FAM135B: variants seen among roughly 807,000 people sequenced by gnomAD.
FAM135B encodes family with sequence similarity 135 member B.
FAM135B carries 43 observed loss-of-function variants against 127.7 expected under a neutral mutation model. That is an observed-to-expected ratio of 0.34 (90% CI 0.26 to 0.43). FAM135B has a LOEUF of 0.43. FAM135B is among the 20% of genes least tolerant of loss of function. The pLI is 1.00. For missense variants in FAM135B, 1,558 were observed against 1,725.6 expected (o/e 0.90, Z 1.72); for synonymous variants, 670 against 665.1 (o/e 1.01, Z -0.11).
chr8:138,166,442 C>T (rs1237233390), intron 12 of FAM135B, among the ~76,000 whole-genome samples: 1 of 152,224 alleles, frequency 6.6e-6, no homozygotes, highest in Non-Finnish European at 1.5e-5. Context: ...TACACACAAA[C>T]ATGTGATCTT....
At chr8:138,470,093 GA>G (rs1837597617) in intron 1 of FAM135B, among the ~76,000 whole-genome samples, 1 of 152,170 alleles carries the variant, frequency 6.6e-6, no homozygotes, top group Non-Finnish European at 1.5e-5. Flanking sequence ...AAGACTTAAG[GA>G]AAACTGCTTT....
chr8:138,146,082 C>G lies in FAM135B; in HGVS notation c.3449-32G>C, dbSNP rs373039412. 47 of 1,091,222 alleles carry G rather than the reference C, an allele frequency of 4.3e-5. No homozygotes were observed. The African/African-American group carries it at 7.1e-4, about 16-fold the overall frequency. The allele number at this position is 1,091,222 out of a possible 1,614,324, so 67.6% of individuals were successfully genotyped here. A position where few individuals can be genotyped will look rare whatever the true frequency, so the allele number is the denominator to read the frequency against. On this transcript the variant is annotated intron_variant, in intron 14 of 19. Coordinates refer to ENST00000395297, the MANE Select transcript of FAM135B (RefSeq NM_015912.4). ...ATGACAGATAACCCCCATCCCAGTCCCGTAGTTAGTCATATAAAAGGTTGA... is the reference window on the plus strand; with the variant it reads ...ATGACAGATAACCCCCATCCCAGTCGCGTAGTTAGTCATATAAAAGGTTGA...
chr8:138,266,182 C>G (rs921491425), intron 3 of FAM135B, among the ~76,000 whole-genome samples: 13 of 152,256 alleles, frequency 8.5e-5, no homozygotes, highest in Admixed American at 3.3e-4. Flanking sequence ...CATAAACCTC[C>G]TCTCCCAGAA....
Position 138,333,399 on chromosome 8 carries a change from CA to C in FAM135B, c.78-22480del, listed in dbSNP as rs1481848113. Among the ~76,000 whole-genome samples the C allele has an allele frequency of 2.0e-5, 3 of 152,280 alleles. No homozygotes were observed. The East Asian group carries it at 5.8e-4, about 30-fold the overall frequency. The stretch of plus-strand genomic sequence containing the variant: ...CCAGGTATGCTGTGTTGCTGGTGTG[CA>C]AATGCATCATGCCCTTCCACATTTC... On this transcript the variant is annotated intron_variant, in intron 2 of 19. Coordinates refer to ENST00000395297, the MANE Select transcript of FAM135B (RefSeq NM_015912.4).
In FAM135B at chr8:138,141,127, C is replaced by G. The variant is rs1199037197; in HGVS notation, c.3790+71G>C. The G allele has an allele frequency of 3.4e-6, 5 of 1,465,070 alleles. No individual in the cohort carries two copies. Among genetic ancestry groups the G allele is most frequent in the Admixed American group, 1.8e-5 (1 of 56,276 alleles). 90.8% of individuals were successfully genotyped at this position (1,465,070 alleles called of 1,614,324 possible). ...GTCACAGGGTTCCAAGTGGAAGTAC[C>G]TGTGCCCGGTTTCACGCCCCAGAGG... On this transcript the variant is annotated intron_variant, in intron 17 of 19. Transcript: ENST00000395297. This position sits in a 1 kb window ranked among gnomAD's most constrained non-coding sequence, Gnocchi z 4.7.
chr8:138,226,183 G>GTA (rs1440197116), intron 7 of FAM135B, among the ~76,000 whole-genome samples: 56 of 144,920 alleles, frequency 3.9e-4, no homozygotes, highest in African/African-American at 1.4e-3. Context: ...GTGTGTGTGT[G>GTA]TGCGCGCATG....
At chr8:138,258,086 C>T (rs550956930) in intron 4 of FAM135B, among the ~76,000 whole-genome samples, 4 of 152,238 alleles carry the variant, frequency 2.6e-5, no homozygotes, top group African/African-American at 7.2e-5. Context: ...CCCCAGTAAT[C>T]CTTATATGAT....
chr8:138,383,076 C>T (rs2131293810), intron 1 of FAM135B, among the ~76,000 whole-genome samples: 1 of 152,292 alleles, frequency 6.6e-6, no homozygotes, highest in South Asian at 2.1e-4. Context: ...AGAGTATCTC[C>T]ATTATTCCCA....
intron 16 of FAM135B, chr8:138,142,784 T>G (rs1375366277): frequency 9.2e-6 from 4 of 432,758 alleles, no homozygotes; most frequent in Non-Finnish European, 1.7e-5. Flanking sequence ...CAAGACTCTT[T>G]CTACAGAACT....
intron 7 of FAM135B, among the ~76,000 whole-genome samples, chr8:138,200,665 T>G (rs1403463040): frequency 1.3e-5 from 2 of 152,218 alleles, no homozygotes. Context: ...TTGTAGATTC[T>G]TCTGGAATAC....
chr8:138,280,510 C>T (rs929830880), intron 3 of FAM135B, among the ~76,000 whole-genome samples: 2 of 152,126 alleles, frequency 1.3e-5, no homozygotes, highest in African/African-American at 4.8e-5. Context: ...ATCCCCGTGA[C>T]CAAGCATTCA....
chr8:138,482,931 T>C (rs1814842703), intron 1 of FAM135B, among the ~76,000 whole-genome samples: 1 of 152,148 alleles, frequency 6.6e-6, no homozygotes, highest in South Asian at 2.1e-4. Flanking sequence ...CATGCACCCA[T>C]CCATCCATCT....
At position 138,132,475 on chromosome 8, in the gene FAM135B, T is replaced by C; in HGVS notation, c.*118A>G. 1 of 830,452 alleles carries C rather than the reference T, an allele frequency of 1.2e-6. No individual in the cohort carries two copies. The highest frequency in any genetic ancestry group is 2.0e-6 in the Non-Finnish European group (1 of 511,974). 51.4% of individuals were successfully genotyped at this position (830,452 alleles called of 1,614,324 possible). ...TCTCATGTCAGGTTCCACCCGAGCCTCCGTCCCCCAATGCTGTTGAAGCTT... is the reference window on the plus strand; with the variant it reads ...TCTCATGTCAGGTTCCACCCGAGCCCCCGTCCCCCAATGCTGTTGAAGCTT... On this transcript the variant is annotated 3_prime_UTR_variant, in exon 20 of 20. Transcript: ENST00000395297. This position sits in a 1 kb window ranked among gnomAD's most constrained non-coding sequence, Gnocchi z 4.5.
chr8:138,195,194 A>AACT (rs1217980494), intron 9 of FAM135B, 64 bp downstream of exon 9: 1 of 1,499,096 alleles, frequency 6.7e-7, no homozygotes, highest in East Asian at 2.3e-5. Context: ...GCAAGCAAGC[A>AACT]ACTGCATTTG....
intron 10 of FAM135B, 116 bp downstream of exon 10, chr8:138,178,419 C>T (rs1814691359): frequency 8.2e-7 from 1 of 1,213,910 alleles, no homozygotes; most frequent in Non-Finnish European, 1.2e-6. Context: ...ATGGTAGAGA[C>T]ACGAAAGCAC....
intron 2 of FAM135B, among the ~76,000 whole-genome samples, chr8:138,335,279 A>T (rs1235844918): frequency 6.6e-6 from 1 of 152,148 alleles, no homozygotes; most frequent in Non-Finnish European, 1.5e-5. Flanking sequence ...AACCCGCTGC[A>T]CTCAGTACTT....
rs2130764126 is a variant in FAM135B, at chr8:138,152,299, T to G, written c.2176A>C (p.Asn726His). 1 of 1,614,096 alleles carries G rather than the reference T, an allele frequency of 6.2e-7. No homozygotes were observed. Among genetic ancestry groups the G allele is most frequent in the Non-Finnish European group, 8.5e-7 (1 of 1,180,040 alleles). ...TCTGTGTGTCCACCCTCTAGGGAGT[T>G]CCGGTGGAGGGCATGTCTTCGAACA... ...PFVRRHALHR[N>H]SLEGGHTESN... The change falls in exon 13 of 20, where the codon AAC becomes CAC. Residue 726 changes from asparagine to histidine, a missense_variant. Transcript: ENST00000395297.
chr8:138,409,151 C>T (rs769700598), intron 1 of FAM135B, among the ~76,000 whole-genome samples: 10 of 152,110 alleles, frequency 6.6e-5, no homozygotes, highest in East Asian at 1.9e-4. Flanking sequence ...GAGAAACATG[C>T]GACACTTCCT....
chr8:138,306,225 A>G (rs1417635712), intron 3 of FAM135B, among the ~76,000 whole-genome samples: 1 of 152,148 alleles, frequency 6.6e-6, no homozygotes, highest in African/African-American at 2.4e-5. Flanking sequence ...ACTTGAGGTC[A>G]GGAGTGCAAG....
Sources: allele counts gnomAD v4.1 joint callset (sites outside exome capture counted in the v4.1 genomes callset), GRCh38; gene constraint gnomAD v4.1.1; non-coding constraint Gnocchi (gnomAD v3.1); transcripts MANE v1.5; gene names NCBI Gene and HGNC (gene_info 2026-07-23, HGNC 2026-07-21).